The following MARCHF1 variants were observed in gnomAD, a reference collection of about 807,000 sequenced individuals.
The protein encoded by MARCHF1 is membrane associated ring-CH-type finger 1.
A neutral mutation model predicts 54.2 loss-of-function variants in MARCHF1; 40 were observed. The observed-to-expected ratio is 0.74, with a 90% confidence interval of 0.57 to 0.96. MARCHF1 has a LOEUF of 0.96. Ranked by LOEUF, MARCHF1 falls within the 40% of genes least tolerant of loss-of-function variation. MARCHF1 has a pLI of 0.00. For synonymous variants in MARCHF1, 236 were observed against 236.3 expected, an observed-to-expected ratio of 1.00 and a Z score of 0.01; for missense variants, 586 against 656.5, an observed-to-expected ratio of 0.89 and a Z score of 1.17.
chr4:163,640,730 T>G (rs549195508), intron 5 of MARCHF1, among the ~76,000 whole-genome samples: 2 of 152,202 alleles, frequency 1.3e-5, no homozygotes, highest in African/African-American at 4.8e-5. Context: ...CCTAAGTGAC[T>G]GCATAAATTG....
rs189468067 is a variant in MARCHF1, at chr4:163,720,211, G to T, written c.112-19348C>A. On this transcript the variant is annotated intron_variant, in intron 4 of 9. Transcript: ENST00000514618. Reference sequence around the variant, plus strand: ...TCTTGAATTAATTTTTGTGTAAGACGTAAGGAAGGGATCCAGTTTCAGCTT... The same window carrying T: ...TCTTGAATTAATTTTTGTGTAAGACTTAAGGAAGGGATCCAGTTTCAGCTT... Among the ~76,000 whole-genome samples, 238 of 152,268 alleles carry T rather than the reference G, an allele frequency of 1.6e-3. 1 individual carries two copies. The highest frequency in any genetic ancestry group is 3.4e-3 in the Middle Eastern group (1 of 294).
intron 1 of MARCHF1, among the ~76,000 whole-genome samples, chr4:164,124,048 C>T (rs1477003478): frequency 6.6e-6 from 1 of 151,792 alleles, no homozygotes; most frequent in Non-Finnish European, 1.5e-5. Flanking sequence ...TCAATCAACT[C>T]TACAGGAAAA....
intron 1 of MARCHF1, among the ~76,000 whole-genome samples, chr4:164,131,553 A>G (rs1756301871): frequency 6.6e-6 from 1 of 152,158 alleles, no homozygotes; most frequent in South Asian, 2.1e-4. Context: ...TTAATATCAT[A>G]TTTAGGTAAT....
chr4:163,632,885 T>G (rs1009730865), intron 5 of MARCHF1, among the ~76,000 whole-genome samples: 4 of 152,216 alleles, frequency 2.6e-5, no homozygotes, highest in Admixed American at 1.3e-4. Context: ...TCTCCCAGTA[T>G]GCAGCTGGAG....
intron 1 of MARCHF1, among the ~76,000 whole-genome samples, chr4:164,185,790 A>T (rs1335566002): frequency 6.6e-5 from 3 of 45,166 alleles, no homozygotes; most frequent in African/African-American, 1.3e-4. Flanking sequence ...AAAACTAGTC[A>T]CACACACACA....
rs564155488 is a variant in MARCHF1 at position 163,966,269 on chromosome 4, C to T, written c.-39+22232G>A. Among the ~76,000 whole-genome samples the T allele has an allele frequency of 2.0e-5, 3 of 151,952 alleles. No individual in the cohort carries two copies. The East Asian group carries it at 5.8e-4, about 29-fold the overall frequency. On this transcript the variant is annotated intron_variant, in intron 3 of 9. Transcript: ENST00000514618. ...TTTGCATATAAGGGAGATGTTATTT[C>T]ATTGTAATTAGGTTATTTAAATTCC... is the stretch of plus-strand genomic sequence containing the variant.
At chr4:163,575,709 G>T (rs1473989360) in intron 8 of MARCHF1, among the ~76,000 whole-genome samples, 1 of 150,818 alleles carries the variant, frequency 6.6e-6, no homozygotes, top group Non-Finnish European at 1.5e-5. Flanking sequence ...TTTTATTACT[G>T]ATTCAATTTC....
intron 8 of MARCHF1, among the ~76,000 whole-genome samples, chr4:163,573,859 C>G (rs1242147966): frequency 6.6e-6 from 1 of 151,644 alleles, no homozygotes; most frequent in Non-Finnish European, 1.5e-5. Context: ...AATGGTATTT[C>G]TAGTTCTAGA....
intron 1 of MARCHF1, among the ~76,000 whole-genome samples, chr4:164,248,596 T>C (rs1733028994): frequency 6.6e-6 from 1 of 152,062 alleles, no homozygotes; most frequent in South Asian, 2.1e-4. Context: ...AAGAATTCTT[T>C]TGTATGTTCA....
chr4:163,766,321 C>T (rs1292753435), intron 4 of MARCHF1, among the ~76,000 whole-genome samples: 2 of 152,160 alleles, frequency 1.3e-5, no homozygotes, highest in Middle Eastern at 3.4e-3. Context: ...TCCAGAAGTC[C>T]TATAATGCTT....
At chr4:164,118,312 G>A (rs1259530973) in intron 1 of MARCHF1, among the ~76,000 whole-genome samples, 1 of 150,930 alleles carries the variant, frequency 6.6e-6, no homozygotes, top group Non-Finnish European at 1.5e-5. Flanking sequence ...AAATCTTATG[G>A]GCATACAGCA....
intron 5 of MARCHF1, among the ~76,000 whole-genome samples, chr4:163,646,680 A>G (rs1417058818): frequency 6.6e-6 from 1 of 152,142 alleles, no homozygotes; most frequent in Non-Finnish European, 1.5e-5. Flanking sequence ...TGTGATTGAA[A>G]TTAAGTTATC....
At chr4:164,143,681 A>G (rs1251101204) in intron 1 of MARCHF1, among the ~76,000 whole-genome samples, 3 of 152,216 alleles carry the variant, frequency 2.0e-5, no homozygotes, top group Non-Finnish European at 4.4e-5. Flanking sequence ...AGCGCTAAAC[A>G]TGGAAAGGAA....
intron 1 of MARCHF1, among the ~76,000 whole-genome samples, chr4:164,251,965 T>A (rs574106014): frequency 9.8e-5 from 15 of 152,298 alleles, no homozygotes; most frequent in African/African-American, 3.6e-4. Flanking sequence ...ATTAATAATT[T>A]TCATCTTAGA....
chr4:163,548,801 GT>G (rs1216663608), intron 8 of MARCHF1, among the ~76,000 whole-genome samples: 1 of 105,448 alleles, frequency 9.5e-6, no homozygotes, highest in Non-Finnish European at 2.0e-5. Context: ...ATTTCAGTAT[GT>G]TTTGCAAGCC....
intron 1 of MARCHF1, among the ~76,000 whole-genome samples, chr4:164,282,852 G>A (rs1734059520): frequency 6.6e-6 from 1 of 151,166 alleles, no homozygotes; most frequent in Admixed American, 6.7e-5. Flanking sequence ...CCTAATAATA[G>A]ACTTAAGTAA....
intron 4 of MARCHF1, among the ~76,000 whole-genome samples, chr4:163,817,434 CAT>C (rs1183275236): frequency 1.4e-5 from 2 of 141,478 alleles, no homozygotes; most frequent in Non-Finnish European, 3.1e-5. Context: ...GACACACACA[CAT>C]ATATGTAGCT....
At chr4:163,945,801 T>C (rs1752011695) in intron 3 of MARCHF1, among the ~76,000 whole-genome samples, 1 of 152,130 alleles carries the variant, frequency 6.6e-6, no homozygotes, top group African/African-American at 2.4e-5. Context: ...TTTTAGTCAG[T>C]TTAAGAAAAA....
At chr4:164,191,840 C>T (rs544844257) in intron 1 of MARCHF1, among the ~76,000 whole-genome samples, 2 of 152,218 alleles carry the variant, frequency 1.3e-5, no homozygotes, top group East Asian at 3.9e-4. Context: ...TATTTTTACT[C>T]AAATCCTATT....
Sources: allele counts gnomAD v4.1 joint callset (sites outside exome capture counted in the v4.1 genomes callset), GRCh38; gene constraint gnomAD v4.1.1; transcripts MANE v1.5; gene names NCBI Gene and HGNC (gene_info 2026-07-23, HGNC 2026-07-21).